PLEKHG1: variants seen among roughly 807,000 people sequenced by gnomAD.
PLEKHG1 encodes pleckstrin homology domain-containing family G member 1.
Under a neutral mutation model 100.8 loss-of-function variants are expected in PLEKHG1, and 44 were observed. The ratio of observed to expected loss-of-function variants is 0.44; its 90% confidence interval spans 0.34 to 0.56. The LOEUF is 0.56. PLEKHG1 is among the 20% of genes least tolerant of loss of function. The probability of loss-of-function intolerance (pLI) is 0.01; values close to 1 mark genes in which losing one functional copy is unlikely to be tolerated. For synonymous variants in PLEKHG1, 640 were observed against 662.5 expected (o/e 0.97, Z 0.52); for missense variants, 1,545 against 1,720.9 (o/e 0.90, Z 1.81).
intron 2 of PLEKHG1, among the ~76,000 whole-genome samples, chr6:150,759,542 G>A (rs1020309933): frequency 1.3e-5 from 2 of 152,140 alleles, no homozygotes; most frequent in Non-Finnish European, 1.5e-5. Flanking sequence ...TTTGAGCATG[G>A]CTTGAGGCAT....
At chr6:150,813,027 C>T (rs965272789) in intron 10 of PLEKHG1, among the ~76,000 whole-genome samples, 3 of 151,964 alleles carry the variant, frequency 2.0e-5, no homozygotes, top group South Asian at 2.1e-4. Context: ...ACTTGCTGGC[C>T]GGGCGCGGTG....
At position 150,600,188 on chromosome 6, in the gene PLEKHG1, G is replaced by A. The variant is rs990630310; in HGVS notation, c.-204+171G>A. Among the ~76,000 whole-genome samples the A allele has an allele frequency of 1.9e-4, 28 of 149,578 alleles. No individual in the cohort carries two copies. The highest frequency in any genetic ancestry group is 6.3e-4 in the African/African-American group (25 of 39,536). On this transcript the variant is annotated intron_variant, in intron 1 of 3. Coordinates refer to the PLEKHG1 transcript ENST00000367326. The surrounding 1 kb of genome is among the most constrained non-coding windows in gnomAD (Gnocchi z 6.2). ...TCCGCAGTGGGGACGGAGGGCCTTG[G>A]GGGGCGCCGAGCGGTGGGGACAGAG...
chr6:150,636,924 CATT>C (rs1258300597), intron 1 of PLEKHG1, among the ~76,000 whole-genome samples: 4 of 152,192 alleles, frequency 2.6e-5, no homozygotes. Flanking sequence ...TGAAAAATGA[CATT>C]AGCATCCTTT....
intron 3 of PLEKHG1, among the ~76,000 whole-genome samples, chr6:150,780,123 T>A (rs1187091698): frequency 6.8e-6 from 1 of 146,442 alleles, no homozygotes; most frequent in African/African-American, 2.6e-5. Context: ...TGGCTATTAT[T>A]TTCCTTTTCT....
At chr6:150,628,296 G>A (rs113440648) in intron 1 of PLEKHG1, among the ~76,000 whole-genome samples, 1,590 of 152,148 alleles carry the variant, frequency 0.01, 29 homozygotes, top group African/African-American at 0.036. Flanking sequence ...GGAATTTTCT[G>A]TTTTACTGTA....
At chr6:150,778,714 G>A (rs377193975) in intron 3 of PLEKHG1, among the ~76,000 whole-genome samples, 134 of 152,264 alleles carry the variant, frequency 8.8e-4, no homozygotes, top group Middle Eastern at 3.4e-3. Flanking sequence ...CTGACATCCA[G>A]TCTTTTAGCA....
At chr6:150,798,019 C>A (rs1455754571) in intron 5 of PLEKHG1, among the ~76,000 whole-genome samples, 3 of 151,974 alleles carry the variant, frequency 2.0e-5, no homozygotes, top group African/African-American at 7.2e-5. Context: ...TATTACACAT[C>A]CTTATCTGTA....
intron 2 of PLEKHG1, among the ~76,000 whole-genome samples, chr6:150,757,101 G>C (rs936800404): frequency 6.6e-6 from 1 of 152,132 alleles, no homozygotes; most frequent in Non-Finnish European, 1.5e-5. Flanking sequence ...AGGTTCAAGC[G>C]ATTCTCGTGT....
intron 6 of PLEKHG1, among the ~76,000 whole-genome samples, chr6:150,802,169 A>G (rs967772839): frequency 2.6e-5 from 4 of 152,120 alleles, no homozygotes; most frequent in African/African-American, 9.7e-5. Flanking sequence ...CTTTACTAGC[A>G]ATTTCTTAGC....
chr6:150,629,607 C>T (rs1035869557), intron 1 of PLEKHG1, among the ~76,000 whole-genome samples: 2 of 151,982 alleles, frequency 1.3e-5, no homozygotes, highest in East Asian at 1.9e-4. Context: ...ACTACAGGCA[C>T]GCGGCATCAC....
intron 1 of PLEKHG1, among the ~76,000 whole-genome samples, chr6:150,603,173 G>C (rs1360769356): frequency 6.6e-6 from 1 of 151,734 alleles, no homozygotes; most frequent in African/African-American, 2.4e-5. Context: ...GCGAAATGTT[G>C]GTGTATTCAG....
chr6:150,826,390 T>C (rs112634061), intron 14 of PLEKHG1, among the ~76,000 whole-genome samples: 13,166 of 151,966 alleles, frequency 0.087, 1,190 homozygotes, highest in African/African-American at 0.23. Context: ...CCCGGGAGGT[T>C]GAGGTTGCAG....
intron 1 of PLEKHG1, chr6:150,624,859 A>AT (rs1777445847): frequency 6.6e-6 from 1 of 152,150 alleles, no homozygotes; most frequent in South Asian, 2.1e-4. Flanking sequence ...GATTTTTTTC[A>AT]TAACAACTAA....
At chr6:150,799,810 G>A (rs1786578946) in intron 5 of PLEKHG1, among the ~76,000 whole-genome samples, 1 of 152,160 alleles carries the variant, frequency 6.6e-6, no homozygotes, top group Admixed American at 6.5e-5. Context: ...AATTAATCCT[G>A]AAAATGTCAC....
chr6:150,670,484 G>A (rs1009334974), intron 3 of PLEKHG1, among the ~76,000 whole-genome samples: 2 of 152,182 alleles, frequency 1.3e-5, no homozygotes, highest in African/African-American at 2.4e-5. Flanking sequence ...CTACACAGCC[G>A]CAGCATGCGC....
chr6:150,760,546 C>T (rs751761033), intron 2 of PLEKHG1, among the ~76,000 whole-genome samples: 2 of 151,754 alleles, frequency 1.3e-5, no homozygotes, highest in Non-Finnish European at 2.9e-5. Flanking sequence ...CGGTGGTGGC[C>T]CGTTTTGAAG....
chr6:150,626,147 T>TGGGGCGG (rs1562391764), intron 1 of PLEKHG1: 1 of 23,412 alleles, frequency 4.3e-5, no homozygotes, highest in Non-Finnish European at 7.7e-5. Flanking sequence ...TAGGCCATTG[T>TGGGGCGG]GGGGCGGGGG....
chr6:150,791,105 T>C (rs1040417798), intron 4 of PLEKHG1, among the ~76,000 whole-genome samples: 2 of 152,204 alleles, frequency 1.3e-5, no homozygotes, highest in African/African-American at 4.8e-5. Flanking sequence ...GTTCCCAAAG[T>C]GTGGTCTTGG....
At chr6:150,755,907 T>A (rs1178014104) in intron 2 of PLEKHG1, among the ~76,000 whole-genome samples, 5 of 152,112 alleles carry the variant, frequency 3.3e-5, no homozygotes, top group Non-Finnish European at 7.4e-5. Flanking sequence ...TTTAAAAAAA[T>A]TTATTTTTTT....
Sources: allele counts gnomAD v4.1 joint callset (sites outside exome capture counted in the v4.1 genomes callset), GRCh38; gene constraint gnomAD v4.1.1; non-coding constraint Gnocchi (gnomAD v3.1); transcripts MANE v1.5; gene names NCBI Gene and HGNC (gene_info 2026-07-23, HGNC 2026-07-21).